SEMA3A: variants seen among roughly 807,000 people sequenced by gnomAD.
SEMA3A encodes the protein semaphorin-3A.
SEMA3A carries 29 observed loss-of-function variants against 97.9 expected under a neutral mutation model. The ratio of observed to expected loss-of-function variants is 0.30; its 90% CI spans 0.22 to 0.40. The LOEUF (loss-of-function observed/expected upper bound fraction) is 0.40. Among genes scored for constraint, SEMA3A ranks in the 10% least tolerant of loss-of-function variants. The probability of loss-of-function intolerance (pLI) is 1.00; values close to 1 mark genes in which losing one functional copy is unlikely to be tolerated. For synonymous variants in SEMA3A, 321 were observed against 323.7 expected, an observed-to-expected ratio of 0.99 and a Z score of 0.09; for missense variants, 763 against 951.3, an observed-to-expected ratio of 0.80 and a Z score of 2.60.
chr7:84,170,385 G>C (rs899567262), intron 1 of SEMA3A, among the ~76,000 whole-genome samples: 1 of 151,926 alleles, frequency 6.6e-6, no homozygotes, highest in South Asian at 2.1e-4. Flanking sequence ...CAGTGACTTC[G>C]TAAATGAGAT....
At chr7:84,105,348 C>T (rs1167891678) in intron 4 of SEMA3A, among the ~76,000 whole-genome samples, 1 of 152,070 alleles carries the variant, frequency 6.6e-6, no homozygotes, top group Non-Finnish European at 1.5e-5. Flanking sequence ...GGCACTGTTA[C>T]TAAGAGGATT....
At chr7:84,006,594 C>T (rs886167829) in intron 10 of SEMA3A, among the ~76,000 whole-genome samples, 2 of 152,116 alleles carry the variant, frequency 1.3e-5, no homozygotes, top group African/African-American at 4.8e-5. Context: ...CGTCTCCTTT[C>T]ACTATATTTA....
chr7:84,212,472 A>G (rs188787907), intron 3 of SEMA3A, among the ~76,000 whole-genome samples: 1 of 152,272 alleles, frequency 6.6e-6, no homozygotes, highest in African/African-American at 2.4e-5. Context: ...ACAATGTAAT[A>G]TTATGCCCTT....
chr7:83,977,182 T>C lies in SEMA3A; in HGVS notation c.1667A>G (p.Gln556Arg). ...CAGTGGGTCTCCATTTCTTATATCT[T>C]GTCGTCTTGTGCGTCTGAAGCAATT... ...FPTAKRRTRRQDIRNGDPLTH... is the reference protein window; with the variant it reads ...FPTAKRRTRRRDIRNGDPLTH... Residue 556 changes from glutamine (Q) to arginine (R), a missense_variant, in exon 15 of 17, where the codon CAA becomes CGA. Coordinates refer to ENST00000265362, the MANE Select transcript of SEMA3A (RefSeq NM_006080.3). 1.3e-6 allele frequency: 2 copies of C among 1,589,548 alleles called. No individual in the cohort carries two copies. Among genetic ancestry groups the C allele is most frequent in the South Asian group, 1.1e-5 (1 of 87,398 alleles).
chr7:84,434,967 C>T (rs974705213), intron 1 of SEMA3A, among the ~76,000 whole-genome samples: 14 of 152,058 alleles, frequency 9.2e-5, no homozygotes, highest in Non-Finnish European at 4.4e-5. Flanking sequence ...ATGCTCACTC[C>T]CACCACTGCT....
intron 3 of SEMA3A, among the ~76,000 whole-genome samples, chr7:84,277,493 A>G (rs1800334296): frequency 6.6e-6 from 1 of 152,130 alleles, no homozygotes. Context: ...AGTGCTTCTT[A>G]AAAAATGGGG....
chr7:84,268,461 G>T (rs73185111), intron 3 of SEMA3A, among the ~76,000 whole-genome samples: 10,310 of 152,016 alleles, frequency 0.068, 568 homozygotes, highest in East Asian at 0.3. Flanking sequence ...GAAAATGAGA[G>T]GGGAAGGCTC....
At chr7:84,287,954 G>A (rs985251288) in intron 3 of SEMA3A, among the ~76,000 whole-genome samples, 13 of 152,066 alleles carry the variant, frequency 8.5e-5, no homozygotes, top group African/African-American at 3.1e-4. Flanking sequence ...TAACAAAAGA[G>A]AAATTTTACT....
intron 6 of SEMA3A, among the ~76,000 whole-genome samples, chr7:84,038,260 C>G (rs193297888): frequency 6.6e-6 from 1 of 151,882 alleles, no homozygotes; most frequent in African/African-American, 2.4e-5. Context: ...GTTTTCCCTA[C>G]GCCACTTTGA....
intron 1 of SEMA3A, among the ~76,000 whole-genome samples, chr7:84,425,560 A>G (rs1804795513): frequency 6.9e-6 from 1 of 145,728 alleles, no homozygotes; most frequent in Non-Finnish European, 1.5e-5. Context: ...AAACATATTT[A>G]TATGAGTATA....
intron 4 of SEMA3A, among the ~76,000 whole-genome samples, chr7:84,104,423 G>C (rs556791686): frequency 2.2e-4 from 33 of 152,006 alleles, no homozygotes; most frequent in Middle Eastern, 3.4e-3. Context: ...ACTGTTTTTA[G>C]GGGAAAAAAA....
chr7:84,040,040 T>C (rs1402451645), intron 6 of SEMA3A, among the ~76,000 whole-genome samples: 1 of 152,060 alleles, frequency 6.6e-6, no homozygotes, highest in African/African-American at 2.4e-5. Flanking sequence ...AGGCAGGTTA[T>C]TTTGGAACTT....
intron 1 of SEMA3A, among the ~76,000 whole-genome samples, chr7:84,191,143 A>C (rs1411056849): frequency 2.0e-5 from 3 of 151,392 alleles, no homozygotes; most frequent in African/African-American, 7.3e-5. Context: ...TAACTAAATA[A>C]AATGATCTTC....
At position 83,960,828 on chromosome 7, in the gene SEMA3A, T is replaced by TG. The variant is rs1191746733; in HGVS notation, c.*542_*543insC. The TG allele has an allele frequency of 1.9e-5, 3 of 154,282 alleles. No individual in the cohort carries two copies. Among genetic ancestry groups the TG allele is most frequent in the East Asian group, 1.9e-4 (1 of 5,184 alleles). The allele number at this position is 154,282 out of a possible 1,614,324, so 9.6% of individuals were successfully genotyped here. ...TCTGGATGATGGATGGCTTATGTTT[T>TG]TTTTTTTTTTTAATATTTCCACAGA... On this transcript the variant is annotated 3_prime_UTR_variant, in exon 17 of 17. Transcript: ENST00000265362.
At chr7:83,997,318 C>T (rs184534495) in intron 12 of SEMA3A, among the ~76,000 whole-genome samples, 11 of 152,176 alleles carry the variant, frequency 7.2e-5, no homozygotes, top group African/African-American at 2.2e-4. Flanking sequence ...TTACATGGCT[C>T]GAATAGAAAC....
chr7:84,157,932 G>A (rs1796896945), intron 1 of SEMA3A, among the ~76,000 whole-genome samples: 1 of 151,994 alleles, frequency 6.6e-6, no homozygotes, highest in African/African-American at 2.4e-5. Context: ...TTACATGTGG[G>A]ATAGAAATCA....
intron 15 of SEMA3A, among the ~76,000 whole-genome samples, chr7:83,972,577 G>T (rs1788963189): frequency 6.6e-6 from 1 of 151,964 alleles, no homozygotes. Context: ...GATATGATGG[G>T]AGATGGAAAA....
intron 1 of SEMA3A, among the ~76,000 whole-genome samples, chr7:84,394,359 A>C (rs1191709003): frequency 1.4e-5 from 2 of 142,004 alleles, no homozygotes; most frequent in African/African-American, 4.9e-5. Context: ...TGATTTAGAA[A>C]CTAAGAACTT....
chr7:84,462,921 G>C (rs1205330424), intron 1 of SEMA3A, among the ~76,000 whole-genome samples: 1 of 152,114 alleles, frequency 6.6e-6, no homozygotes, highest in East Asian at 1.9e-4. Context: ...AAACATGTCT[G>C]AGTCCTTCTG....
Sources: allele counts gnomAD v4.1 joint callset (sites outside exome capture counted in the v4.1 genomes callset), GRCh38; gene constraint gnomAD v4.1.1; transcripts MANE v1.5; gene names NCBI Gene and HGNC (gene_info 2026-07-23, HGNC 2026-07-21).